The following ADGRL3 variants were observed in gnomAD, a reference collection of about 807,000 sequenced individuals.
The protein encoded by ADGRL3 is calcium-independent alpha-latrotoxin receptor 3.
ADGRL3 carries 62 observed loss-of-function variants against 153.5 expected under a neutral mutation model. The ratio of observed to expected loss-of-function variants is 0.40; its 90% CI spans 0.33 to 0.50. ADGRL3 has a LOEUF of 0.50. Among genes scored for constraint, ADGRL3 ranks in the 20% least tolerant of loss-of-function variants. The pLI, the probability that ADGRL3 is intolerant of heterozygous loss-of-function variation, is 0.47. For missense variants in ADGRL3, 1,641 were observed against 1,859.4 expected (o/e 0.88, Z 2.16); for synonymous variants, 710 against 672.5 (o/e 1.06, Z -0.86).
In ADGRL3 at chr4:61,630,498, T is replaced by C. The variant is rs528235913; in HGVS notation, c.473+43058T>C. ...TCAGAAATCTACATGCTGTTGGTTGTTGTTGTTTATCTTCCTCTCACTCTT... is the reference window on the plus strand; with the variant it reads ...TCAGAAATCTACATGCTGTTGGTTGCTGTTGTTTATCTTCCTCTCACTCTT... On this transcript the variant is annotated intron_variant, in intron 5 of 26. Transcript: ENST00000683033. 8.5e-5 allele frequency among the ~76,000 whole-genome samples: 13 copies of C among 152,302 alleles called. 1 individual carries two copies. The highest frequency in any genetic ancestry group is 2.9e-4 in the African/African-American group (12 of 41,578).
intron 8 of ADGRL3, among the ~76,000 whole-genome samples, chr4:61,807,490 A>G (rs184318190): frequency 1.3e-5 from 2 of 152,212 alleles, no homozygotes; most frequent in East Asian, 1.9e-4. Flanking sequence ...AGCCATTTGT[A>G]TGGTTTTATT....
intron 17 of ADGRL3, among the ~76,000 whole-genome samples, chr4:61,971,314 C>T (rs906400784): frequency 1.6e-4 from 24 of 152,086 alleles, no homozygotes; most frequent in African/African-American, 5.8e-4. Context: ...CCGCTCCCAC[C>T]ACCCCACAAC....
At chr4:61,685,607 G>A (rs2095428076) in intron 6 of ADGRL3, among the ~76,000 whole-genome samples, 1 of 152,126 alleles carries the variant, frequency 6.6e-6, no homozygotes, top group Non-Finnish European at 1.5e-5. Context: ...GGATCTTGAG[G>A]TAGGGAAGAG....
chr4:61,662,799 C>G (rs2094646468), intron 5 of ADGRL3, among the ~76,000 whole-genome samples: 1 of 152,136 alleles, frequency 6.6e-6, no homozygotes, highest in African/African-American at 2.4e-5. Context: ...CCATAAAAAC[C>G]CTAGGATTCA....
chr4:61,275,697 G>C (rs2093427457), intron 1 of ADGRL3, among the ~76,000 whole-genome samples: 1 of 152,104 alleles, frequency 6.6e-6, no homozygotes, highest in South Asian at 2.1e-4. Context: ...CAACCCACTT[G>C]ACCCATTTAT....
intron 25 of ADGRL3, among the ~76,000 whole-genome samples, chr4:62,049,406 A>G (rs2151739519): frequency 6.6e-6 from 1 of 152,300 alleles, no homozygotes; most frequent in Middle Eastern, 3.4e-3. Context: ...TTTTATGCAT[A>G]GAGATCTGAC....
chr4:61,492,681 TA>T (rs2098270922), intron 2 of ADGRL3, among the ~76,000 whole-genome samples: 2 of 152,116 alleles, frequency 1.3e-5, no homozygotes, highest in African/African-American at 4.8e-5. Flanking sequence ...TTGAAAGGAA[TA>T]ACAAAAAAAT....
rs547766598 is a variant in ADGRL3, at chr4:62,022,305, G to T, written c.3396-6550G>T. Among the ~76,000 whole-genome samples, 3 of 152,264 alleles carry T rather than the reference G, an allele frequency of 2.0e-5. No individual in the cohort carries two copies. The South Asian group carries it at 6.2e-4, about 32-fold the overall frequency. On this transcript the variant is annotated intron_variant, in intron 21 of 26. Coordinates refer to ENST00000683033, the MANE Select transcript of ADGRL3 (RefSeq NM_001387552.1). ...GAGGTGAGAAAGCTGTAGAAGAAAA[G>T]TTTGTTTGAAGGTAGCAGAGGCTGG...
chr4:61,583,816 A>T (rs181303530), intron 4 of ADGRL3: 1 of 501,664 alleles, frequency 2.0e-6, no homozygotes, highest in Non-Finnish European at 4.0e-6. Context: ...GTTCTTTGAT[A>T]TAACAGATTA....
chr4:61,738,637 T>A (rs1372420632), intron 8 of ADGRL3, among the ~76,000 whole-genome samples: 1 of 152,136 alleles, frequency 6.6e-6, no homozygotes, highest in Non-Finnish European at 1.5e-5. Context: ...GAGTTATTAA[T>A]TCCAGTTCCT....
intron 1 of ADGRL3, among the ~76,000 whole-genome samples, chr4:61,333,323 T>A (rs1228993149): frequency 6.6e-6 from 1 of 152,130 alleles, no homozygotes; most frequent in Non-Finnish European, 1.5e-5. Flanking sequence ...AACTCTGGAA[T>A]CCTTATAAAC....
At chr4:61,861,779 G>A (rs769275375) in intron 9 of ADGRL3, among the ~76,000 whole-genome samples, 5 of 152,032 alleles carry the variant, frequency 3.3e-5, no homozygotes, top group Admixed American at 6.6e-5. Flanking sequence ...AGGTGACTTC[G>A]GTGAATGGAA....
At chr4:61,289,857 G>T (rs1472198859) in intron 1 of ADGRL3, among the ~76,000 whole-genome samples, 3 of 152,020 alleles carry the variant, frequency 2.0e-5, no homozygotes, top group Non-Finnish European at 2.9e-5. Context: ...TGGGCCACTG[G>T]TTCCTCAGGT....
chr4:61,967,976 G>C (rs1022423473), intron 17 of ADGRL3, among the ~76,000 whole-genome samples: 1 of 152,096 alleles, frequency 6.6e-6, no homozygotes. Flanking sequence ...AGAGAATAAG[G>C]GTGCTAAAGA....
In ADGRL3 at chr4:61,680,405, CG is replaced by C. The variant is rs2095310116; in HGVS notation, c.583+3471del. Among the ~76,000 whole-genome samples the C allele has an allele frequency of 1.4e-5, 2 of 144,066 alleles. 1 individual carries two copies. Among genetic ancestry groups the C allele is most frequent in the South Asian group, 4.5e-4 (2 of 4,478 alleles). 94.5% of individuals were successfully genotyped at this position (144,066 alleles called of 152,430 possible). A position where few individuals can be genotyped will look rare whatever the true frequency, so the allele number is the denominator to read the frequency against. On this transcript the variant is annotated intron_variant, in intron 6 of 26. Coordinates refer to ENST00000683033, the MANE Select transcript of ADGRL3 (RefSeq NM_001387552.1). The stretch of plus-strand genomic sequence containing the variant: ...ACTTTTTTTTAAATTTATACATACT[CG>C]TGTGTGTGTGTGTGTGTGTGTGTGT...
intron 1 of ADGRL3, among the ~76,000 whole-genome samples, chr4:61,326,877 G>T (rs1440633959): frequency 6.6e-6 from 1 of 151,842 alleles, no homozygotes; most frequent in Admixed American, 6.6e-5. Context: ...TGCTTGAGTA[G>T]TTTCTTGGCT....
At position 61,948,144 on chromosome 4, in the gene ADGRL3, C is replaced by T; in HGVS notation, c.2673C>T (p.Tyr891=). The change falls in exon 17 of 27, where the codon TAC becomes TAT. Residue 891 remains tyrosine (Y), a synonymous_variant. Coordinates refer to ENST00000683033, the MANE Select transcript of ADGRL3 (RefSeq NM_001387552.1). The part of the protein sequence containing the change: ...NFNPNCSFWS[Y]SKRTMTGYWS... ...ACCCTAACTGTTCATTTTGGAGCTACTCCAAGCGTACAATGACAGGTTATT... is the reference window on the plus strand; with the variant it reads ...ACCCTAACTGTTCATTTTGGAGCTATTCCAAGCGTACAATGACAGGTTATT... 6.2e-7 allele frequency: 1 copy of T among 1,613,648 alleles called. No homozygotes were observed. Among genetic ancestry groups the T allele is most frequent in the African/African-American group, 1.3e-5 (1 of 75,054 alleles).
chr4:61,249,344 T>G (rs1758311795), intron 1 of ADGRL3, among the ~76,000 whole-genome samples: 1 of 152,170 alleles, frequency 6.6e-6, no homozygotes, highest in Non-Finnish European at 1.5e-5. Context: ...TACATTTCTC[T>G]GTCTTGGAAA....
In ADGRL3 at chr4:62,022,308, T is replaced by A. The variant is rs117580796; in HGVS notation, c.3396-6547T>A. Among the ~76,000 whole-genome samples the A allele has an allele frequency of 4.8e-4, 73 of 152,236 alleles. 1 individual carries two copies. In the East Asian group the frequency reaches 0.012, roughly 25 times the overall value. On this transcript the variant is annotated intron_variant, in intron 21 of 26. Coordinates refer to ENST00000683033, the MANE Select transcript of ADGRL3 (RefSeq NM_001387552.1). The stretch of plus-strand genomic sequence containing the variant: ...GTGAGAAAGCTGTAGAAGAAAAGTT[T>A]GTTTGAAGGTAGCAGAGGCTGGTTC...
Sources: gnomAD v4.1 joint callset for allele counts (sites outside exome capture counted in the v4.1 genomes callset) on GRCh38, gnomAD v4.1.1 for gene constraint, MANE v1.5 for transcripts, NCBI Gene and HGNC (gene_info 2026-07-23, HGNC 2026-07-21) for gene names.